Variants in MEP1A observed in about 807,000 individuals in gnomAD.
MEP1A encodes meprin A subunit alpha.
In MEP1A, 68 loss-of-function variants were observed where a neutral mutation model predicts 84.5. The ratio of observed to expected loss-of-function variants is 0.80; its 90% CI spans 0.66 to 0.98. The LOEUF is 0.98. MEP1A is among the 50% of genes least tolerant of loss of function. MEP1A has a pLI of 0.00. For missense variants in MEP1A, 887 were observed against 919.9 expected, an observed-to-expected ratio of 0.96 and a Z score of 0.46; for synonymous variants, 337 against 336.8, an observed-to-expected ratio of 1.00 and a Z score of -0.01.
chr6:46,806,548 A>G (rs1767322309), intron 5 of MEP1A, among the ~76,000 whole-genome samples: 1 of 151,966 alleles, frequency 6.6e-6, no homozygotes, highest in Non-Finnish European at 1.5e-5. Context: ...TTCTTCCTCC[A>G]CTGCAGTGGG....
Position 46,832,865 on chromosome 6 carries a change from C to A in MEP1A, c.1145-209C>A, listed in dbSNP as rs373039615. On this transcript the variant is annotated intron_variant, in intron 10 of 13. Transcript: ENST00000230588. ...TTTGAATGTGAATTTTAAAATAAAT[C>A]ATAGTATTTTAAAAAACAATTTTTC... 2.2e-4 allele frequency among the ~76,000 whole-genome samples: 33 copies of A among 152,244 alleles called. 1 individual carries two copies. In the South Asian group the frequency reaches 4.6e-3, roughly 21 times the overall value.
At chr6:46,814,444 T>C (rs942340029) in intron 6 of MEP1A, among the ~76,000 whole-genome samples, 1 of 152,130 alleles carries the variant, frequency 6.6e-6, no homozygotes, top group African/African-American at 2.4e-5. Context: ...GATTTTTCCT[T>C]TCATATTCTC....
chr6:46,835,132 A>G (rs553528631), intron 12 of MEP1A, 117 bp from the exon 13 acceptor site: 2 of 884,902 alleles, frequency 2.3e-6, no homozygotes, highest in Admixed American at 2.9e-5. Context: ...CCACTTTTCC[A>G]TGTCACTAGG....
chr6:46,794,050 A>C (rs1766995854), intron 3 of MEP1A, among the ~76,000 whole-genome samples: 1 of 152,210 alleles, frequency 6.6e-6, no homozygotes, highest in Non-Finnish European at 1.5e-5. Context: ...ATATAAGAAT[A>C]AGCCTCTGGT....
In MEP1A at chr6:46,825,289, G is replaced by T; in HGVS notation, c.574G>T (p.Asp192Tyr). The T allele has an allele frequency of 1.2e-6, 2 of 1,611,932 alleles. No homozygotes were observed. Among genetic ancestry groups the T allele is most frequent in the South Asian group, 2.2e-5 (2 of 90,860 alleles). The change falls in exon 8 of 14, where the codon GAC (aspartate) becomes TAC (tyrosine). Residue 192 changes from aspartate to tyrosine, a missense_variant. By Grantham distance (160) the Asp-to-Tyr change is radical. Coordinates refer to ENST00000230588, the MANE Select transcript of MEP1A (RefSeq NM_005588.3). ...CCTAACAGGTTACCAGCACAACTTT[G>T]ACACCTATGATGATAGCTTAATCAC... ...QILSGYQHNF[D>Y]TYDDSLITDL...
intron 7 of MEP1A, among the ~76,000 whole-genome samples, 169 bp from the exon 8 acceptor site, chr6:46,825,099 TTAAA>T (rs1048805219): frequency 2.2e-5 from 3 of 135,608 alleles, no homozygotes; most frequent in Admixed American, 7.6e-5. Flanking sequence ...AATTATGTAT[TTAAA>T]TAAATCTATT....
chr6:46,825,968 G>A (rs932211168), intron 8 of MEP1A, among the ~76,000 whole-genome samples: 4 of 152,104 alleles, frequency 2.6e-5, no homozygotes, highest in African/African-American at 9.7e-5. Context: ...CTGGGGCAGG[G>A]TGTTTTCTAA....
At chr6:46,822,191 T>C (rs1767794966) in intron 7 of MEP1A, among the ~76,000 whole-genome samples, 2 of 152,230 alleles carry the variant, frequency 1.3e-5, no homozygotes, top group African/African-American at 4.8e-5. Context: ...AACACAATCA[T>C]AACCATTTGT....
intron 3 of MEP1A, among the ~76,000 whole-genome samples, chr6:46,795,661 G>C (rs1767034792): frequency 6.6e-6 from 1 of 152,056 alleles, no homozygotes; most frequent in African/African-American, 2.4e-5. Flanking sequence ...CCCCTACCTT[G>C]GTCAGCCACC....
intron 9 of MEP1A, among the ~76,000 whole-genome samples, chr6:46,827,471 C>A (rs1050022608): frequency 2.0e-5 from 3 of 152,080 alleles, no homozygotes; most frequent in East Asian, 1.9e-4. Flanking sequence ...ATCATCTTAA[C>A]CCTATTTGGA....
intron 3 of MEP1A, among the ~76,000 whole-genome samples, chr6:46,798,136 T>G (rs954530384): frequency 2.6e-5 from 4 of 151,882 alleles, no homozygotes; most frequent in African/African-American, 9.7e-5. Flanking sequence ...CCCAGCTAAT[T>G]TTTGTACTTT....
rs1459454744 is a variant in MEP1A, at chr6:46,835,267, A to G, written c.1802A>G (p.Gln601Arg). The change falls in exon 13 of 14, where the codon CAG becomes CGG. Residue 601 changes from glutamine to arginine, a missense_variant. Gln to Arg is a conservative substitution (Grantham distance 43). Transcript: ENST00000230588. ...CCTGAAGATATCACCCACCTCAGCC[A>G]GACTGAAGTTCCCACTAAAGGCAAA... ...VDFEDITHLS[Q>R]TEVPTKGKRL... 27 of 1,599,776 alleles carry G rather than the reference A, an allele frequency of 1.7e-5. No homozygotes were observed. The highest frequency in any genetic ancestry group is 2.7e-5 in the African/African-American group (2 of 74,478).
intron 5 of MEP1A, among the ~76,000 whole-genome samples, chr6:46,804,711 T>C (rs912255839): frequency 6.6e-6 from 1 of 151,738 alleles, no homozygotes; most frequent in Non-Finnish European, 1.5e-5. Context: ...ACCTATGTAA[T>C]CCAAATTCCT....
At chr6:46,837,801 C>T (rs1405960163) in intron 13 of MEP1A, among the ~76,000 whole-genome samples, 2 of 152,096 alleles carry the variant, frequency 1.3e-5, no homozygotes, top group Admixed American at 6.5e-5. Context: ...CTTGCTATTA[C>T]TCACTGATTT....
chr6:46,825,560 T>C (rs925185087), intron 8 of MEP1A, 67 bp downstream of exon 8: 7 of 1,095,650 alleles, frequency 6.4e-6, no homozygotes, highest in East Asian at 2.6e-5. Context: ...GCCTTAGAGA[T>C]TTCCTTTACA....
chr6:46,823,805 TATTAGTCA>T (rs1420712822), intron 7 of MEP1A, among the ~76,000 whole-genome samples: 4 of 152,234 alleles, frequency 2.6e-5, no homozygotes, highest in African/African-American at 9.6e-5. Context: ...TCCCGATGGT[TATTAGTCA>T]ATTCAAAGAC....
chr6:46,828,350 T>C (rs907437214), intron 9 of MEP1A, among the ~76,000 whole-genome samples: 8 of 152,040 alleles, frequency 5.3e-5, no homozygotes, highest in Non-Finnish European at 1.2e-4. Context: ...CCTGATTTAA[T>C]ATTAAAGTCG....
chr6:46,829,114 T>C (rs371187349), intron 9 of MEP1A, among the ~76,000 whole-genome samples: 251 of 152,334 alleles, frequency 1.6e-3, no homozygotes, highest in African/African-American at 5.3e-3. Flanking sequence ...AGGTATATAT[T>C]TCACAATCTT....
chr6:46,799,543 T>C (rs142392471), intron 5 of MEP1A, among the ~76,000 whole-genome samples: 266 of 152,320 alleles, frequency 1.7e-3, no homozygotes, highest in Non-Finnish European at 3.0e-3. Context: ...ATTTTCAGCA[T>C]ATTGATTTCT....
Sources: gnomAD v4.1 joint callset for allele counts (sites outside exome capture counted in the v4.1 genomes callset) on GRCh38, gnomAD v4.1.1 for gene constraint, MANE v1.5 for transcripts, NCBI Gene and HGNC (gene_info 2026-07-23, HGNC 2026-07-21) for gene names.